Variants in TMOD2 observed in about 807,000 individuals in gnomAD.
The protein encoded by TMOD2 is tropomodulin 2.
Under a neutral mutation model 39.9 loss-of-function variants are expected in TMOD2, and 22 were observed. That is an observed-to-expected ratio of 0.55 (90% CI 0.39 to 0.79). TMOD2 has a LOEUF of 0.79. Ranked by LOEUF, TMOD2 falls within the 30% of genes least tolerant of loss-of-function variation. The pLI is 0.00. For missense variants in TMOD2, 386 were observed against 413.3 expected (o/e 0.93, Z 0.57); for synonymous variants, 123 against 146.1 (o/e 0.84, Z 1.14).
chr15:51,808,519 T>C lies in TMOD2; in HGVS notation c.*65T>C, dbSNP rs552844883. ...CATTGAAAAACAAAAACTCTTCTTCTTCCCCATCAGGACCATTTTATCAAA... is the reference window on the plus strand; with the variant it reads ...CATTGAAAAACAAAAACTCTTCTTCCTCCCCATCAGGACCATTTTATCAAA... On this transcript the variant is annotated 3_prime_UTR_variant, in exon 10 of 10. Transcript: ENST00000249700. The C allele has an allele frequency of 6.5e-6, 9 of 1,381,694 alleles. No individual in the cohort carries two copies. In the African/African-American group the frequency reaches 1.3e-4, roughly 20 times the overall value. 85.6% of individuals were successfully genotyped at this position (1,381,694 alleles called of 1,614,324 possible).
chr15:51,777,015 A>G lies in TMOD2; in HGVS notation c.490A>G (p.Arg164Gly). 5.6e-6 allele frequency: 9 copies of G among 1,613,592 alleles called. No individual in the cohort carries two copies. Among genetic ancestry groups the G allele is most frequent in the Non-Finnish European group, 7.6e-6 (9 of 1,179,610 alleles). Residue 164 changes from arginine (R) to glycine (G), a missense_variant, in exon 5 of 10, where the codon AGA becomes GGA. Physicochemically the swap from Arg to Gly is moderately radical, Grantham distance 125. Coordinates refer to ENST00000249700, the MANE Select transcript of TMOD2 (RefSeq NM_014548.4). ...ANNKGGKGPV[R>G]NVVKGEKVKP... ...CAATAAAGGTGGCAAAGGACCTGTC[A>G]GAAGTAAGTTGATGTGCAATCTGTG...
At chr15:51,805,111 A>G (rs2056113765) in intron 8 of TMOD2, among the ~76,000 whole-genome samples, 1 of 151,770 alleles carries the variant, frequency 6.6e-6, no homozygotes, top group Non-Finnish European at 1.5e-5. Flanking sequence ...TTTGCATGCC[A>G]CCATGCCCAG....
chr15:51,755,092 T>A (rs907191979), intron 1 of TMOD2, among the ~76,000 whole-genome samples: 1 of 152,206 alleles, frequency 6.6e-6, no homozygotes, highest in Non-Finnish European at 1.5e-5. Context: ...CTAACTTTCT[T>A]CCTATAAATT....
chr15:51,773,288 A>G (rs2055865360), intron 3 of TMOD2, among the ~76,000 whole-genome samples: 1 of 152,186 alleles, frequency 6.6e-6, no homozygotes, highest in East Asian at 1.9e-4. Context: ...AAAGTGGCCT[A>G]TATGCTGGAT....
rs147088046 is a variant in TMOD2 at position 51,785,459 on chromosome 15, A to G, written c.732+2631A>G. ...GATGAATGGATGAAGAAAATGTGGT[A>G]TATATATGCACACTGAAATATTATT... On this transcript the variant is annotated intron_variant, in intron 7 of 9. Transcript: ENST00000249700. Among the ~76,000 whole-genome samples, 30 of 151,370 alleles carry G rather than the reference A, an allele frequency of 2.0e-4. 1 individual carries two copies. Among genetic ancestry groups the G allele is most frequent in the Admixed American group, 5.9e-4 (9 of 15,214 alleles).
At chr15:51,798,395 G>T in intron 8 of TMOD2, 55 bp downstream of exon 8, 1 of 1,580,218 alleles carries the variant, frequency 6.3e-7, no homozygotes. Context: ...CAGTGAGCGG[G>T]GGAAATGCCA....
intron 7 of TMOD2, chr15:51,784,546 G>A (rs971080132): frequency 1.3e-5 from 2 of 152,184 alleles, no homozygotes; most frequent in Non-Finnish European, 1.5e-5. Context: ...CTTGAAATAA[G>A]CACTCATGTA....
chr15:51,753,553 A>C (rs894900578), intron 1 of TMOD2, among the ~76,000 whole-genome samples: 2 of 152,214 alleles, frequency 1.3e-5, no homozygotes, highest in African/African-American at 4.8e-5. Flanking sequence ...ATGCAAAAAA[A>C]AAAGCTATAA....
chr15:51,769,001 T>C (rs988830213), intron 3 of TMOD2, among the ~76,000 whole-genome samples: 4 of 152,170 alleles, frequency 2.6e-5, no homozygotes, highest in Non-Finnish European at 5.9e-5. Flanking sequence ...ACTGTGGACA[T>C]TGGGTGATAA....
At chr15:51,800,746 C>T (rs62016165) in intron 8 of TMOD2, among the ~76,000 whole-genome samples, 1 of 152,086 alleles carries the variant, frequency 6.6e-6, no homozygotes, top group Non-Finnish European at 1.5e-5. Context: ...CACTCTATGG[C>T]CCAGGCTAGA....
chr15:51,752,116 G>A (rs1479586005), intron 1 of TMOD2, among the ~76,000 whole-genome samples: 1 of 152,052 alleles, frequency 6.6e-6, no homozygotes, highest in African/African-American at 2.4e-5. Context: ...AGCTCCTGGA[G>A]CGGTATGCAT....
intron 4 of TMOD2, among the ~76,000 whole-genome samples, chr15:51,775,724 C>T (rs2055883752): frequency 6.6e-6 from 1 of 151,796 alleles, no homozygotes; most frequent in Non-Finnish European, 1.5e-5. Context: ...ATTACAGGTG[C>T]CCGCCACCAC....
intron 7 of TMOD2, chr15:51,783,263 C>A (rs1011544990): frequency 1.2e-5 from 2 of 164,328 alleles, no homozygotes; most frequent in African/African-American, 4.8e-5. Context: ...GTGGGTGGAT[C>A]ATGAGGTCGG....
At chr15:51,799,758 A>G (rs1372437902) in intron 8 of TMOD2, among the ~76,000 whole-genome samples, 1 of 152,206 alleles carries the variant, frequency 6.6e-6, no homozygotes, top group Admixed American at 6.5e-5. Flanking sequence ...AGAGAGAAAT[A>G]TGAAGGGAGA....
intron 7 of TMOD2, among the ~76,000 whole-genome samples, chr15:51,790,666 C>T (rs868773401): frequency 1.3e-5 from 2 of 152,222 alleles, no homozygotes; most frequent in Middle Eastern, 3.4e-3. Context: ...ATGATCAAGT[C>T]GCCTTCATCC....
At chr15:51,762,772 T>C (rs2055790085) in intron 1 of TMOD2, among the ~76,000 whole-genome samples, 1 of 152,218 alleles carries the variant, frequency 6.6e-6, no homozygotes, top group South Asian at 2.1e-4. Context: ...TTATGTGTTC[T>C]AAAATTTTAG....
rs2056135531 is a variant in TMOD2, at chr15:51,808,509, ACT to A, written c.*58_*59del. On this transcript the variant is annotated 3_prime_UTR_variant, in exon 10 of 10. Transcript: ENST00000249700. Reference sequence around the variant, plus strand: ...GTGGTATGGCCATTGAAAAACAAAAACTCTTCTTCTTCCCCATCAGGACCATT... The same window carrying A: ...GTGGTATGGCCATTGAAAAACAAAAACTTCTTCTTCCCCATCAGGACCATT... The A allele has an allele frequency of 1.4e-6, 2 of 1,474,122 alleles. No individual in the cohort carries two copies. Among genetic ancestry groups the A allele is most frequent in the Non-Finnish European group, 1.9e-6 (2 of 1,070,962 alleles). 91.3% of individuals were successfully genotyped at this position (1,474,122 alleles called of 1,614,324 possible). A position where few individuals can be genotyped will look rare whatever the true frequency, so the allele number is the denominator to read the frequency against.
rs34790068 is a variant in TMOD2, at chr15:51,778,643, C to CTT, written c.493+1650_493+1651dup. 4.5e-3 allele frequency among the ~76,000 whole-genome samples: 311 copies of CTT among 68,360 alleles called. 30 individuals are homozygous for CTT. Among genetic ancestry groups the CTT allele is most frequent in the African/African-American group, 5.6e-3 (98 of 17,472 alleles). The allele number at this position is 68,360 out of a possible 152,430, so 44.8% of individuals were successfully genotyped here. A position where few individuals can be genotyped will look rare whatever the true frequency, so the allele number is the denominator to read the frequency against. ...TTTGAAAACTCATAGAAAATTACAG[C>CTT]TTTTTTTTTTTTTTTTTTTTTTTTT... On this transcript the variant is annotated intron_variant, in intron 5 of 9. Coordinates refer to ENST00000249700, the MANE Select transcript of TMOD2 (RefSeq NM_014548.4).
intron 7 of TMOD2, among the ~76,000 whole-genome samples, chr15:51,795,247 C>G (rs2056039609): frequency 6.6e-6 from 1 of 151,848 alleles, no homozygotes; most frequent in South Asian, 2.1e-4. Flanking sequence ...ATGGTGAAAC[C>G]CCGTCTCTAC....
Sources: allele counts gnomAD v4.1 joint callset (sites outside exome capture counted in the v4.1 genomes callset), GRCh38; gene constraint gnomAD v4.1.1; transcripts MANE v1.5; gene names NCBI Gene and HGNC (gene_info 2026-07-23, HGNC 2026-07-21).